The following CDH18 variants were observed in gnomAD, a reference collection of about 807,000 sequenced individuals.
The protein encoded by CDH18 is cadherin 18.
CDH18 carries 31 observed loss-of-function variants against 67.9 expected under a neutral mutation model. That is an observed-to-expected ratio of 0.46 (90% confidence interval 0.34 to 0.62). CDH18 has a LOEUF of 0.62. Among genes scored for constraint, CDH18 ranks in the 20% least tolerant of loss-of-function variants. The pLI is 0.01. For synonymous variants in CDH18, 362 were observed against 347.2 expected (o/e 1.04, Z -0.48); for missense variants, 890 against 975.5 (o/e 0.91, Z 1.17).
chr5:20,482,409 G>T (rs1257326350), intron 1 of CDH18, among the ~76,000 whole-genome samples: 1 of 151,984 alleles, frequency 6.6e-6, no homozygotes, highest in Non-Finnish European at 1.5e-5. Flanking sequence ...TAGGAAAGAA[G>T]AGATTACTTC....
chr5:19,560,434 G>A lies in CDH18; in HGVS notation c.1253+11145C>T, dbSNP rs1041247559. The stretch of plus-strand genomic sequence containing the variant: ...AAAAAGATACCCAGTTCAACAAATT[G>A]TACTGGGATAACTGGCAAGCCACAG... On this transcript the variant is annotated intron_variant, in intron 8 of 12. Coordinates refer to ENST00000382275, the MANE Select transcript of CDH18 (RefSeq NM_004934.5). Among the ~76,000 whole-genome samples, 10 of 152,064 alleles carry A rather than the reference G, an allele frequency of 6.6e-5. No homozygotes were observed. In the South Asian group the frequency reaches 1.4e-3, roughly 22 times the overall value.
At chr5:19,522,817 C>A (rs1272432486) in intron 9 of CDH18, among the ~76,000 whole-genome samples, 1 of 149,450 alleles carries the variant, frequency 6.7e-6, no homozygotes, top group African/African-American at 2.5e-5. Flanking sequence ...ATCACTTGAA[C>A]CTGGGAGGCG....
At chr5:20,047,627 T>A (rs569997406) in intron 2 of CDH18, among the ~76,000 whole-genome samples, 1 of 151,790 alleles carries the variant, frequency 6.6e-6, no homozygotes, top group Non-Finnish European at 1.5e-5. Flanking sequence ...TTGTTTAAGT[T>A]TGAAAAGTGC....
chr5:19,482,129 T>C (rs1203162583), intron 12 of CDH18, among the ~76,000 whole-genome samples: 1 of 152,062 alleles, frequency 6.6e-6, no homozygotes, highest in Admixed American at 6.5e-5. Context: ...TATTATTATT[T>C]TTTTGAGACT....
At chr5:19,607,038 G>GA (rs937418229) in intron 6 of CDH18, among the ~76,000 whole-genome samples, 1 of 151,488 alleles carries the variant, frequency 6.6e-6, no homozygotes, top group African/African-American at 2.4e-5. Context: ...TTGAAATGGA[G>GA]AAAATCCTTC....
chr5:19,490,441 T>C (rs1465167294), intron 11 of CDH18, among the ~76,000 whole-genome samples: 2 of 128,846 alleles, frequency 1.6e-5, no homozygotes, highest in African/African-American at 5.9e-5. Context: ...AGAGTCTTGC[T>C]CTGTCACCAG....
intron 3 of CDH18, among the ~76,000 whole-genome samples, chr5:19,774,426 T>TTAAAATTAAATAAAA (rs1554030468): frequency 6.5e-5 from 9 of 139,450 alleles, no homozygotes; most frequent in South Asian, 2.4e-4. Context: ...TAAAATAAAA[T>TTAAAATTAAATAAAA]TAAAATAAAA....
chr5:20,244,788 C>T (rs1743249895), intron 2 of CDH18, among the ~76,000 whole-genome samples: 1 of 152,042 alleles, frequency 6.6e-6, no homozygotes, highest in Admixed American at 6.6e-5. Context: ...GTCTTTTCCT[C>T]TGCATTCAAC....
At chr5:19,485,502 G>T (rs1026220966) in intron 11 of CDH18, among the ~76,000 whole-genome samples, 1 of 152,056 alleles carries the variant, frequency 6.6e-6, no homozygotes, top group Non-Finnish European at 1.5e-5. Flanking sequence ...CGATCCACCC[G>T]CCTCGGCCTC....
intron 8 of CDH18, among the ~76,000 whole-genome samples, chr5:19,554,124 T>C (rs2127162325): frequency 6.6e-6 from 1 of 152,300 alleles, no homozygotes; most frequent in Non-Finnish European, 1.5e-5. Context: ...GCTTATGTGC[T>C]TAATAGGATG....
At chr5:19,542,296 T>C (rs936677823) in intron 9 of CDH18, among the ~76,000 whole-genome samples, 1 of 152,110 alleles carries the variant, frequency 6.6e-6, no homozygotes, top group East Asian at 1.9e-4. Context: ...GGTGGAAATA[T>C]GAAGAAATAG....
intron 2 of CDH18, among the ~76,000 whole-genome samples, chr5:19,918,182 GT>G (rs1348386311): frequency 2.6e-5 from 4 of 152,168 alleles, no homozygotes; most frequent in South Asian, 2.1e-4. Flanking sequence ...GTCAAATTAT[GT>G]CAACATCAGC....
At chr5:20,059,022 A>G (rs1247967438) in intron 2 of CDH18, among the ~76,000 whole-genome samples, 1 of 152,136 alleles carries the variant, frequency 6.6e-6, no homozygotes, top group Non-Finnish European at 1.5e-5. Flanking sequence ...TTATTGATCT[A>G]TTCAGGAATT....
intron 1 of CDH18, among the ~76,000 whole-genome samples, chr5:20,446,207 C>A (rs950555057): frequency 2.0e-5 from 3 of 152,220 alleles, no homozygotes; most frequent in Non-Finnish European, 2.9e-5. Context: ...GAATTTTCAC[C>A]TGTGCCCTAG....
chr5:19,932,492 C>A (rs1456375949), intron 2 of CDH18, among the ~76,000 whole-genome samples: 1 of 151,538 alleles, frequency 6.6e-6, no homozygotes, highest in Non-Finnish European at 1.5e-5. Context: ...CTATCTCATT[C>A]CCTCTCTGCA....
At chr5:19,683,962 C>T (rs942005254) in intron 5 of CDH18, among the ~76,000 whole-genome samples, 1 of 152,138 alleles carries the variant, frequency 6.6e-6, no homozygotes, top group Non-Finnish European at 1.5e-5. Context: ...GAACTAGGAA[C>T]TGGCACATAA....
Position 20,420,580 on chromosome 5 carries a change from A to G in CDH18, c.-580+154882T>C, listed in dbSNP as rs557193035. 2.0e-5 allele frequency among the ~76,000 whole-genome samples: 3 copies of G among 151,356 alleles called. No homozygotes were observed. In the South Asian group the frequency reaches 6.2e-4, roughly 31 times the overall value. On this transcript the variant is annotated intron_variant, in intron 1 of 14. Transcript: ENST00000507958. ...TGACTCTAAGTTACAACAGTTCCCC[A>G]GTAAACATATATTACTTGCCTGGCA...
chr5:20,163,597 A>G (rs1327411165), intron 2 of CDH18, among the ~76,000 whole-genome samples: 1 of 152,188 alleles, frequency 6.6e-6, no homozygotes, highest in East Asian at 1.9e-4. Flanking sequence ...TTCAATAACC[A>G]TCTCTAGTTT....
intron 8 of CDH18, among the ~76,000 whole-genome samples, chr5:19,556,712 A>G (rs1292015302): frequency 6.6e-6 from 1 of 152,174 alleles, no homozygotes; most frequent in African/African-American, 2.4e-5. Flanking sequence ...TGAGGGAATA[A>G]TTGCAGAAAA....
Sources: gnomAD v4.1 joint callset for allele counts (sites outside exome capture counted in the v4.1 genomes callset) on GRCh38, gnomAD v4.1.1 for gene constraint, MANE v1.5 for transcripts, NCBI Gene and HGNC (gene_info 2026-07-23, HGNC 2026-07-21) for gene names.